Variants in NXPH1 observed in about 807,000 individuals in gnomAD.
The protein encoded by NXPH1 is neurexophilin-1.
NXPH1 carries 5 observed loss-of-function variants against 23.7 expected under a neutral mutation model. That is an observed-to-expected ratio of 0.21 (90% CI 0.11 to 0.44). NXPH1 has a LOEUF of 0.44. Among genes scored for constraint, NXPH1 ranks in the 20% least tolerant of loss-of-function variants. The pLI is 0.99. For synonymous variants in NXPH1, 144 were observed against 122.2 expected (o/e 1.18, Z -1.18); for missense variants, 324 against 321.6 (o/e 1.01, Z -0.06).
chr7:8,622,428 TTAGTC>T (rs1819896265), intron 2 of NXPH1, among the ~76,000 whole-genome samples: 1 of 152,164 alleles, frequency 6.6e-6, no homozygotes, highest in Non-Finnish European at 1.5e-5. Flanking sequence ...CCCAACTACA[TTAGTC>T]TATAAGTGGC....
chr7:8,656,679 G>A (rs147000286), intron 2 of NXPH1, among the ~76,000 whole-genome samples: 4 of 151,678 alleles, frequency 2.6e-5, no homozygotes, highest in African/African-American at 7.3e-5. Context: ...ATCTCCCAAT[G>A]CTATCCCTCC....
At chr7:8,501,166 T>G (rs546370336) in intron 2 of NXPH1, among the ~76,000 whole-genome samples, 1 of 152,226 alleles carries the variant, frequency 6.6e-6, no homozygotes, top group Admixed American at 6.5e-5. Flanking sequence ...CTAGCTCTTT[T>G]GAGCTCTAGG....
intron 2 of NXPH1, among the ~76,000 whole-genome samples, chr7:8,640,500 C>G (rs1820288892): frequency 1.3e-5 from 2 of 151,552 alleles, no homozygotes; most frequent in South Asian, 4.2e-4. Context: ...TTTCTGTATC[C>G]TGTACTTCTT....
chr7:8,519,546 G>A (rs916170740), intron 2 of NXPH1, among the ~76,000 whole-genome samples: 7 of 152,202 alleles, frequency 4.6e-5, no homozygotes, highest in African/African-American at 1.7e-4. Flanking sequence ...CAAGGAAAGA[G>A]TTCTAATATG....
At chr7:8,676,113 G>A (rs1161824312) in intron 2 of NXPH1, among the ~76,000 whole-genome samples, 21 of 152,134 alleles carry the variant, frequency 1.4e-4, no homozygotes, top group Admixed American at 1.3e-3. Context: ...AGTTTTATTG[G>A]GAATTAACAT....
intron 2 of NXPH1, among the ~76,000 whole-genome samples, chr7:8,525,764 C>G (rs542225724): frequency 6.6e-6 from 1 of 152,184 alleles, no homozygotes; most frequent in Non-Finnish European, 1.5e-5. Flanking sequence ...CATGTGGGTG[C>G]ACAGAAGTCA....
chr7:8,479,881 G>C (rs910912693), intron 2 of NXPH1, among the ~76,000 whole-genome samples: 7 of 152,098 alleles, frequency 4.6e-5, no homozygotes, highest in African/African-American at 1.4e-4. Context: ...TAAAAACCTA[G>C]TTACCTTCAG....
intron 2 of NXPH1, among the ~76,000 whole-genome samples, chr7:8,482,438 A>C (rs537377128): frequency 6.6e-6 from 1 of 152,126 alleles, no homozygotes; most frequent in Non-Finnish European, 1.5e-5. Flanking sequence ...TTTATATGGC[A>C]CTGGGAGTCT....
At chr7:8,624,753 T>A (rs1819951184) in intron 2 of NXPH1, among the ~76,000 whole-genome samples, 1 of 152,138 alleles carries the variant, frequency 6.6e-6, no homozygotes, top group South Asian at 2.1e-4. Flanking sequence ...GTTGAGAGGT[T>A]ATTTTAAACT....
intron 2 of NXPH1, among the ~76,000 whole-genome samples, chr7:8,750,251 C>G (rs1780540811): frequency 6.6e-6 from 1 of 152,178 alleles, no homozygotes; most frequent in Non-Finnish European, 1.5e-5. Flanking sequence ...TCTAATATGA[C>G]TGTAATATGG....
intron 2 of NXPH1, among the ~76,000 whole-genome samples, chr7:8,520,269 T>C (rs1471042003): frequency 6.6e-6 from 1 of 152,178 alleles, no homozygotes; most frequent in African/African-American, 2.4e-5. Flanking sequence ...TTTTTGCAAG[T>C]CACTGTCTGA....
At chr7:8,620,062 A>G (rs1171850025) in intron 2 of NXPH1, among the ~76,000 whole-genome samples, 1 of 152,188 alleles carries the variant, frequency 6.6e-6, no homozygotes, top group Non-Finnish European at 1.5e-5. Context: ...CTCAGCACTT[A>G]GAGCTGCCAG....
At chr7:8,668,996 T>C (rs946750892) in intron 2 of NXPH1, among the ~76,000 whole-genome samples, 1 of 151,436 alleles carries the variant, frequency 6.6e-6, no homozygotes. Context: ...GGAGCATGGG[T>C]GTGTGAGTGC....
chr7:8,752,072 T>A lies in NXPH1; in HGVS notation c.*303T>A. 1 of 272,720 alleles carries A rather than the reference T, an allele frequency of 3.7e-6. No individual in the cohort carries two copies. The highest frequency in any genetic ancestry group is 7.0e-6 in the Non-Finnish European group (1 of 141,870). The allele number at this position is 272,720 out of a possible 1,614,324, so 16.9% of individuals were successfully genotyped here. A position where few individuals can be genotyped will look rare whatever the true frequency, so the allele number is the denominator to read the frequency against. On this transcript the variant is annotated 3_prime_UTR_variant, in exon 3 of 3. Coordinates refer to ENST00000405863, the MANE Select transcript of NXPH1 (RefSeq NM_152745.3). Reference sequence around the variant, plus strand: ...TTCAGCTTGCGTCTATCATGATTCCTGTTGAGAGGGCTTTCATTGTCTGAC... The same window carrying A: ...TTCAGCTTGCGTCTATCATGATTCCAGTTGAGAGGGCTTTCATTGTCTGAC...
intron 2 of NXPH1, among the ~76,000 whole-genome samples, chr7:8,448,641 A>G (rs1402457559): frequency 1.3e-5 from 2 of 151,928 alleles, no homozygotes; most frequent in African/African-American, 4.8e-5. Flanking sequence ...ACATGGTGAA[A>G]CCCTGTCTCT....
intron 2 of NXPH1, among the ~76,000 whole-genome samples, chr7:8,750,008 G>A (rs924856715): frequency 3.3e-5 from 5 of 152,144 alleles, no homozygotes; most frequent in Non-Finnish European, 5.9e-5. Context: ...GTGTCTGCAT[G>A]TGACTCTCAC....
intron 2 of NXPH1, among the ~76,000 whole-genome samples, chr7:8,738,945 C>G (rs1281037405): frequency 6.6e-6 from 1 of 152,000 alleles, no homozygotes; most frequent in Non-Finnish European, 1.5e-5. Flanking sequence ...ATCGCCTACT[C>G]AAGCCTCAAT....
Position 8,745,006 on chromosome 7 carries a change from C to T in NXPH1, c.55-6002C>T, listed in dbSNP as rs1294161290. On this transcript the variant is annotated intron_variant, in intron 2 of 2. Transcript: ENST00000405863. ...AGCGATTCTTCTAGAGCCAGGATGA[C>T]CTACTTAAAAAGAAAACAAAATGAA... Among the ~76,000 whole-genome samples, 5 of 152,160 alleles carry T rather than the reference C, an allele frequency of 3.3e-5. No individual in the cohort carries two copies. In the East Asian group the frequency reaches 9.6e-4, roughly 29 times the overall value.
intron 2 of NXPH1, among the ~76,000 whole-genome samples, chr7:8,566,471 G>A (rs1294316347): frequency 6.6e-6 from 1 of 151,776 alleles, no homozygotes; most frequent in African/African-American, 2.4e-5. Flanking sequence ...AGTGGACTAA[G>A]TAGTGAGGAT....
Sources: allele counts gnomAD v4.1 joint callset (sites outside exome capture counted in the v4.1 genomes callset), GRCh38; gene constraint gnomAD v4.1.1; transcripts MANE v1.5; gene names NCBI Gene and HGNC (gene_info 2026-07-23, HGNC 2026-07-21).